Variants in IMMT observed in about 807,000 individuals in gnomAD.
The protein encoded by IMMT is MICOS complex subunit MIC60.
Under a neutral mutation model 92.7 loss-of-function variants are expected in IMMT, and 40 were observed. The ratio of observed to expected loss-of-function variants is 0.43; its 90% CI spans 0.34 to 0.56. IMMT has a LOEUF of 0.56. Among genes scored for constraint, IMMT ranks in the 20% least tolerant of loss-of-function variants. The pLI, the probability that IMMT is intolerant of heterozygous loss-of-function variation, is 0.03. For synonymous variants in IMMT, 322 were observed against 336.1 expected (o/e 0.96, Z 0.46); for missense variants, 831 against 912.1 (o/e 0.91, Z 1.14).
intron 1 of IMMT, among the ~76,000 whole-genome samples, chr2:86,184,818 C>G (rs1479013617): frequency 6.6e-6 from 1 of 151,964 alleles, no homozygotes; most frequent in Non-Finnish European, 1.5e-5. Flanking sequence ...AAACTGTCAT[C>G]TGTAATGACA....
At chr2:86,159,700 A>G in intron 8 of IMMT, 29 bp from the exon 9 acceptor site, 3 of 1,516,190 alleles carry the variant, frequency 2.0e-6, no homozygotes, top group Non-Finnish European at 2.6e-6. Context: ...AAGATTTAAT[A>G]TAACTTCTTG....
Position 86,181,368 on chromosome 2 carries a change from C to A in IMMT, c.50G>T (p.Cys17Phe), listed in dbSNP as rs757999663. 1.9e-6 allele frequency: 3 copies of A among 1,612,996 alleles called. No homozygotes were observed. The East Asian group carries it at 6.7e-5, about 36-fold the overall frequency. Residue 17 changes from cysteine to phenylalanine, a missense_variant, in exon 2 of 15, where the codon TGT becomes TTT. Physicochemically the swap from Cys to Phe is radical, Grantham distance 205. Coordinates refer to ENST00000410111, the MANE Select transcript of IMMT (RefSeq NM_006839.3). Reference sequence around the variant, plus strand: ...ACGGAGGACAAACTTCCCACAGAGACAACTCTAAAGAAGGAAAACACATCA... The same window carrying A: ...ACGGAGGACAAACTTCCCACAGAGAAAACTCTAAAGAAGGAAAACACATCA... ...LSGVTAAAQS[C>F]LCGKFVLRPL...
intron 6 of IMMT, among the ~76,000 whole-genome samples, chr2:86,167,704 G>A (rs979887036): frequency 2.8e-5 from 4 of 140,590 alleles, no homozygotes; most frequent in Non-Finnish European, 4.6e-5. Context: ...GGATGGTCTC[G>A]ATCTCCTGAC....
At chr2:86,148,954 C>T (rs1015634675) in intron 12 of IMMT, among the ~76,000 whole-genome samples, 67 of 152,294 alleles carry the variant, frequency 4.4e-4, no homozygotes, top group Admixed American at 2.0e-3. Context: ...TTAGGGCAGA[C>T]GAACTTCTTG....
intron 2 of IMMT, among the ~76,000 whole-genome samples, chr2:86,180,243 T>C (rs1328337271): frequency 6.6e-6 from 1 of 152,068 alleles, no homozygotes. Context: ...CAATCAAACA[T>C]TTCTATAAAC....
chr2:86,182,838 G>A (rs1284396193), intron 1 of IMMT, among the ~76,000 whole-genome samples: 2 of 150,770 alleles, frequency 1.3e-5, no homozygotes, highest in East Asian at 1.9e-4. Context: ...GCAATAGAAT[G>A]AGACCCTGTC....
chr2:86,144,878 T>C lies in IMMT; in HGVS notation c.1667A>G (p.His556Arg). 2 of 1,590,628 alleles carry C rather than the reference T, an allele frequency of 1.3e-6. No individual in the cohort carries two copies. Among genetic ancestry groups the C allele is most frequent in the South Asian group, 1.1e-5 (1 of 88,270 alleles). The change falls in exon 15 of 15, where the codon CAT becomes CGT. Residue 556 changes from histidine (H) to arginine (R), a missense_variant. His to Arg is a conservative substitution (Grantham distance 29). Coordinates refer to ENST00000410111, the MANE Select transcript of IMMT (RefSeq NM_006839.3). ...LRGIEQAVQS[H>R]AVAEEEARKA... ...TCTGGCTTCCTCTTCAGCAACTGCA[T>C]GGCCTACAAAGAAAAAAAGGCAAAG...
chr2:86,172,474 C>T (rs1677165321), intron 4 of IMMT, among the ~76,000 whole-genome samples: 1 of 152,074 alleles, frequency 6.6e-6, no homozygotes, highest in Admixed American at 6.6e-5. Flanking sequence ...GCTGGGACTG[C>T]AGGCATGCAC....
chr2:86,176,719 TG>T (rs1387688918), intron 3 of IMMT, among the ~76,000 whole-genome samples: 1 of 152,170 alleles, frequency 6.6e-6, no homozygotes, highest in Non-Finnish European at 1.5e-5. Context: ...GTAGCTAAAG[TG>T]GAGTGAGGAG....
At chr2:86,192,059 C>T (rs571716476) in intron 1 of IMMT, among the ~76,000 whole-genome samples, 30 of 152,124 alleles carry the variant, frequency 2.0e-4, no homozygotes, top group Admixed American at 5.2e-4. Flanking sequence ...ATTGCGAGAT[C>T]CCATCTCTAC....
In IMMT at chr2:86,146,082, T is replaced by TC; in HGVS notation, c.1648dup (p.Glu550GlyfsTer11). ...CTTATGCTTACTCTGAACAGCCTGT[T>TC]CGATTCCTCTGAGTCTGGCATAGGC... On this transcript the variant is annotated frameshift_variant, in exon 14 of 15. Transcript: ENST00000410111. LOFTEE classifies it high-confidence loss of function. 2.5e-6 allele frequency: 4 copies of TC among 1,587,836 alleles called. No homozygotes were observed. Among genetic ancestry groups the TC allele is most frequent in the Non-Finnish European group, 3.4e-6 (4 of 1,162,832 alleles).
chr2:86,159,849 T>C, intron 8 of IMMT, 178 bp from the exon 9 acceptor site: 1 of 411,842 alleles, frequency 2.4e-6, no homozygotes, highest in Non-Finnish European at 4.2e-6. Flanking sequence ...AGCCCAGGAG[T>C]TCAAGACCAG....
At chr2:86,173,137 AAG>A (rs1335672230) in intron 4 of IMMT, among the ~76,000 whole-genome samples, 1 of 152,258 alleles carries the variant, frequency 6.6e-6, no homozygotes, top group East Asian at 1.9e-4. Flanking sequence ...GGAGAAACAT[AAG>A]AAGTTCAAAT....
intron 10 of IMMT, among the ~76,000 whole-genome samples, chr2:86,156,271 G>A (rs893481778): frequency 1.3e-5 from 2 of 152,168 alleles, no homozygotes; most frequent in Non-Finnish European, 2.9e-5. Flanking sequence ...GCCCTCAGTT[G>A]AGAACCACTG....
rs534338802 is a variant in IMMT at position 86,148,536 on chromosome 2, G to A, written c.1402-703C>T. On this transcript the variant is annotated intron_variant, in intron 12 of 14. Transcript: ENST00000410111. ...CTGAGGCAGGAGAATGGCGTGAACC[G>A]AGGAGGCAGAGCTTGCCGTGAGCCA... Among the ~76,000 whole-genome samples, 293 of 152,182 alleles carry A rather than the reference G, an allele frequency of 1.9e-3. 2 individuals carry two copies. The highest frequency in any genetic ancestry group is 6.8e-3 in the African/African-American group (281 of 41,538).
intron 11 of IMMT, among the ~76,000 whole-genome samples, chr2:86,151,802 C>T (rs1235511511): frequency 6.6e-6 from 1 of 152,218 alleles, no homozygotes; most frequent in Non-Finnish European, 1.5e-5. Flanking sequence ...TTCTCATTTA[C>T]TGTAACTTTG....
chr2:86,186,644 G>A (rs2105557309), intron 1 of IMMT, among the ~76,000 whole-genome samples: 1 of 152,318 alleles, frequency 6.6e-6, no homozygotes, highest in African/African-American at 2.4e-5. Context: ...TGAGGTGTCA[G>A]CTGCAGCCAG....
chr2:86,157,401 C>G (rs936851195), intron 10 of IMMT, among the ~76,000 whole-genome samples: 11 of 152,240 alleles, frequency 7.2e-5, no homozygotes, highest in Non-Finnish European at 1.5e-4. Flanking sequence ...TTCCTTAGAC[C>G]AGCTGTGGTT....
intron 13 of IMMT, 41 bp downstream of exon 13, chr2:86,147,661 T>C: frequency 6.3e-7 from 1 of 1,583,532 alleles, no homozygotes; most frequent in South Asian, 1.1e-5. Flanking sequence ...CTTAATCCTG[T>C]CAGGAAGAGG....
Sources: allele counts gnomAD v4.1 joint callset (sites outside exome capture counted in the v4.1 genomes callset), GRCh38; gene constraint gnomAD v4.1.1; transcripts MANE v1.5; gene names NCBI Gene and HGNC (gene_info 2026-07-23, HGNC 2026-07-21).